Variants in PRRC1 observed in about 807,000 individuals in gnomAD.
The protein encoded by PRRC1 is proline rich coiled-coil 1, also known as protein PRRC1.
A neutral mutation model predicts 40.7 loss-of-function variants in PRRC1; 39 were observed. The ratio of observed to expected loss-of-function variants is 0.96; its 90% CI spans 0.74 to 1.25. The LOEUF is 1.25. Among genes scored for constraint, PRRC1 ranks in the 50% most tolerant of loss-of-function variants. The probability of loss-of-function intolerance (pLI) is 0.00; values close to 1 mark genes in which losing one functional copy is unlikely to be tolerated. For missense variants in PRRC1, 573 were observed against 548.3 expected (o/e 1.05, Z -0.45); for synonymous variants, 175 against 193.3 (o/e 0.91, Z 0.79).
chr5:127,520,327 A>G (rs1015205875), intron 1 of PRRC1, among the ~76,000 whole-genome samples: 2 of 152,204 alleles, frequency 1.3e-5, no homozygotes, highest in Admixed American at 1.3e-4. Context: ...ATCTTCCTTA[A>G]TGGCCTGTCT....
chr5:127,522,166 G>A (rs1767477208), intron 1 of PRRC1, among the ~76,000 whole-genome samples: 1 of 152,172 alleles, frequency 6.6e-6, no homozygotes, highest in Admixed American at 6.5e-5. Context: ...AGCATATTTA[G>A]AAGTTGGTTC....
chr5:127,539,013 T>A, intron 6 of PRRC1, 27 bp from the exon 7 acceptor site: 1 of 1,539,646 alleles, frequency 6.5e-7, no homozygotes, highest in Non-Finnish European at 9.0e-7. Flanking sequence ...TTTGAAATGG[T>A]CTCTAACCTC....
chr5:127,537,134 C>G (rs1767921244), intron 6 of PRRC1, among the ~76,000 whole-genome samples: 1 of 151,776 alleles, frequency 6.6e-6, no homozygotes, highest in African/African-American at 2.4e-5. Context: ...GTTATGACTA[C>G]TGTTTTATAT....
At chr5:127,522,519 T>A (rs1312983861) in intron 1 of PRRC1, among the ~76,000 whole-genome samples, 1 of 152,048 alleles carries the variant, frequency 6.6e-6, no homozygotes, top group Non-Finnish European at 1.5e-5. Flanking sequence ...GCATCCTGAG[T>A]TGCTGGGACC....
Position 127,551,881 on chromosome 5 carries a change from A to G in PRRC1, c.1303A>G (p.Met435Val), listed in dbSNP as rs1225149414. The G allele has an allele frequency of 3.7e-6, 6 of 1,613,978 alleles. No individual in the cohort carries two copies. Among genetic ancestry groups the G allele is most frequent in the Non-Finnish European group, 4.2e-6 (5 of 1,179,980 alleles). The stretch of plus-strand genomic sequence containing the variant: ...CAGTGCAGCCAGAGCGATAGCGGGC[A>G]TGTATAAACAGCGCCTGCCACCCAG... Reference protein sequence around the residue: ...IYSAARAIAGMYKQRLPPRTV With the variant: ...IYSAARAIAGVYKQRLPPRTV The change falls in exon 9 of 9, where the codon ATG becomes GTG. Residue 435 changes from methionine to valine, a missense_variant. Transcript: ENST00000296666.
chr5:127,547,225 G>A (rs1335067127), intron 7 of PRRC1, among the ~76,000 whole-genome samples: 2 of 152,142 alleles, frequency 1.3e-5, no homozygotes, highest in East Asian at 3.9e-4. Context: ...TTATCATTTT[G>A]TATGATATAT....
chr5:127,529,397 C>T (rs1283337305), intron 4 of PRRC1, among the ~76,000 whole-genome samples: 5 of 152,030 alleles, frequency 3.3e-5, no homozygotes, highest in Non-Finnish European at 5.9e-5. Context: ...TTTTGTCCCT[C>T]GTTAAGAGCA....
At chr5:127,544,187 G>C (rs567778280) in intron 7 of PRRC1, among the ~76,000 whole-genome samples, 149 of 152,294 alleles carry the variant, frequency 9.8e-4, no homozygotes, top group African/African-American at 3.4e-3. Context: ...GCAGAACCGC[G>C]GATTTTCGTG....
In PRRC1 at chr5:127,552,957, G is replaced by A. The variant is rs192276707; in HGVS notation, c.*1041G>A. On this transcript the variant is annotated 3_prime_UTR_variant, in exon 9 of 9. Transcript: ENST00000296666. The stretch of plus-strand genomic sequence containing the variant: ...TTCAATCTAGTTTATTTAGTCTACT[G>A]TATTTCTATTTCGTGGAAGCCTTTT... 1.8e-4 allele frequency: 154 copies of A among 864,722 alleles called. No individual in the cohort carries two copies. The African/African-American group carries it at 2.6e-3, about 14-fold the overall frequency. The allele number at this position is 864,722 out of a possible 1,614,324, so 53.6% of individuals were successfully genotyped here.
At chr5:127,548,411 A>G (rs1768284415) in intron 8 of PRRC1, 1 of 167,580 alleles carries the variant, frequency 6.0e-6, no homozygotes, top group African/African-American at 2.4e-5. Flanking sequence ...ACCTATCCAC[A>G]CAGTTTCCAG....
chr5:127,545,259 C>G (rs868415426), intron 7 of PRRC1, among the ~76,000 whole-genome samples: 3 of 151,754 alleles, frequency 2.0e-5, no homozygotes, highest in Non-Finnish European at 4.4e-5. Flanking sequence ...ACTAGAAATA[C>G]CATTTGACCC....
chr5:127,554,068 CT>C lies in PRRC1; in HGVS notation c.*2154del. 1 of 645,434 alleles carries C rather than the reference CT, an allele frequency of 1.5e-6. No individual in the cohort carries two copies. The highest frequency in any genetic ancestry group is 2.5e-6 in the Non-Finnish European group (1 of 404,592). The allele number at this position is 645,434 out of a possible 1,614,324, so 40.0% of individuals were successfully genotyped here. ...TCAGCCTTTTGTTTATTTTGTTGTCCTTAGATTTCCCTGTTGTAAAAGGGGC... is the reference window on the plus strand; with the variant it reads ...TCAGCCTTTTGTTTATTTTGTTGTCCTAGATTTCCCTGTTGTAAAAGGGGC... On this transcript the variant is annotated 3_prime_UTR_variant, in exon 9 of 9. Coordinates refer to ENST00000296666, the MANE Select transcript of PRRC1 (RefSeq NM_130809.5).
intron 1 of PRRC1, among the ~76,000 whole-genome samples, chr5:127,522,931 C>T (rs1480276155): frequency 2.0e-5 from 3 of 152,100 alleles, no homozygotes; most frequent in African/African-American, 4.8e-5. Flanking sequence ...CCACTGTGCC[C>T]AGCCTCATTT....
At chr5:127,526,915 C>T (rs1032832304) in intron 4 of PRRC1, 137 bp downstream of exon 4, 2 of 696,834 alleles carry the variant, frequency 2.9e-6, no homozygotes, top group African/African-American at 1.8e-5. Context: ...TGTAGCTGCT[C>T]TCAGTCTCTT....
intron 5 of PRRC1, 73 bp downstream of exon 5, chr5:127,530,469 A>G (rs960444116): frequency 1.3e-5 from 11 of 878,960 alleles, no homozygotes; most frequent in African/African-American, 1.7e-5. Flanking sequence ...ACTAATTGTA[A>G]TTCTCTGTTC....
chr5:127,530,220 TTTC>T, intron 4 of PRRC1, 71 bp from the exon 5 acceptor site: 1 of 1,350,396 alleles, frequency 7.4e-7, no homozygotes, highest in African/African-American at 1.5e-5. Flanking sequence ...TTAAAAAAGT[TTTC>T]TTCACAATCA....
chr5:127,551,637 G>T, intron 8 of PRRC1, 70 bp from the exon 9 acceptor site: 2 of 1,454,038 alleles, frequency 1.4e-6, no homozygotes, highest in Non-Finnish European at 1.9e-6. Context: ...ACTTTGAAAT[G>T]TCACTTATAG....
intron 1 of PRRC1, among the ~76,000 whole-genome samples, chr5:127,518,361 C>G (rs902916168): frequency 7.2e-5 from 11 of 152,214 alleles, no homozygotes; most frequent in Admixed American, 4.6e-4. Context: ...TTTGCATTCT[C>G]TCGTTTCTTT....
chr5:127,539,933 CTG>C (rs149829317), intron 7 of PRRC1, among the ~76,000 whole-genome samples: 3,008 of 152,128 alleles, frequency 0.02, 95 homozygotes, highest in African/African-American at 0.069. Flanking sequence ...GGAGGTAACT[CTG>C]TGGAGATAGT....
Sources: allele counts gnomAD v4.1 joint callset (sites outside exome capture counted in the v4.1 genomes callset), GRCh38; gene constraint gnomAD v4.1.1; transcripts MANE v1.5; gene names NCBI Gene and HGNC (gene_info 2026-07-23, HGNC 2026-07-21).